The following WDR11 variants were observed in gnomAD, a reference collection of about 807,000 sequenced individuals.
The protein encoded by WDR11 is WD repeat-containing protein 11.
In WDR11, 83 loss-of-function variants were observed where a neutral mutation model predicts 151.2. The ratio of observed to expected loss-of-function variants is 0.55; its 90% CI spans 0.46 to 0.66. The LOEUF (loss-of-function observed/expected upper bound fraction) is 0.66, where lower values mean the gene tolerates loss of function less well. WDR11 is among the 30% of genes least tolerant of loss of function. The probability of loss-of-function intolerance (pLI) is 0.00; values close to 1 mark genes in which losing one functional copy is unlikely to be tolerated. For synonymous variants in WDR11, 484 were observed against 533.1 expected (o/e 0.91, Z 1.27); for missense variants, 1,301 against 1,480.9 (o/e 0.88, Z 1.99).
chr10:120,851,697 A>G, intron 1 of WDR11, 191 bp downstream of exon 1: 1 of 657,164 alleles, frequency 1.5e-6, no homozygotes, highest in Non-Finnish European at 2.6e-6. Context: ...CGTGTGGGAA[A>G]TTCCCCCATG....
At chr10:120,857,925 G>C (rs1412371674) in intron 2 of WDR11, among the ~76,000 whole-genome samples, 1 of 152,182 alleles carries the variant, frequency 6.6e-6, no homozygotes, top group African/African-American at 2.4e-5. Context: ...TTGTGTAGTA[G>C]TAAATGCTTT....
At chr10:120,897,308 C>T (rs1847648910) in intron 19 of WDR11, among the ~76,000 whole-genome samples, 1 of 152,142 alleles carries the variant, frequency 6.6e-6, no homozygotes, top group African/African-American at 2.4e-5. Context: ...AGCCCCGATA[C>T]AATAATTAAT....
chr10:120,856,534 C>T lies in WDR11; in HGVS notation c.199-2109C>T, dbSNP rs892285507. On this transcript the variant is annotated intron_variant, in intron 2 of 28. Coordinates refer to ENST00000263461, the MANE Select transcript of WDR11 (RefSeq NM_018117.12). ...AGGTTGCAGTGAGCTGAGATAGTGC[C>T]ACTGCACTCCAGCCTCGGCAACAGA... Among the ~76,000 whole-genome samples, 3 of 145,986 alleles carry T rather than the reference C, an allele frequency of 2.1e-5. No individual in the cohort carries two copies. In the East Asian group the frequency reaches 6.1e-4, roughly 29 times the overall value.
intron 19 of WDR11, among the ~76,000 whole-genome samples, chr10:120,898,319 T>C (rs1339906011): frequency 2.6e-5 from 4 of 152,218 alleles, no homozygotes; most frequent in African/African-American, 7.2e-5. Context: ...TTAGATTTTA[T>C]AAAATTTTCA....
intron 27 of WDR11, 178 bp downstream of exon 27, chr10:120,906,199 T>G: frequency 6.7e-7 from 1 of 1,499,228 alleles, no homozygotes; most frequent in African/African-American, 1.4e-5. Context: ...TACATCTTCA[T>G]TCGGTCTAGG....
chr10:120,858,573 G>A, intron 2 of WDR11, 70 bp from the exon 3 acceptor site: 2 of 1,581,236 alleles, frequency 1.3e-6, no homozygotes, highest in Non-Finnish European at 1.7e-6. Flanking sequence ...TCTGGTTGAT[G>A]TTTTGTGAAA....
intron 11 of WDR11, among the ~76,000 whole-genome samples, chr10:120,874,176 G>GTTTTTTTTTTTTTTTTTTTTTTTTTTTT (rs66873217): frequency 9.6e-5 from 8 of 83,490 alleles, no homozygotes; most frequent in African/African-American, 2.0e-4. Context: ...GGTTTTTGCA[G>GTTTTTTTTTTTTTTTTTTTTTTTTTTTT]TTTTTTTTTT....
chr10:120,882,544 G>GTTTTGT (rs59740058), intron 13 of WDR11, among the ~76,000 whole-genome samples: 43,221 of 142,302 alleles, frequency 0.3, 6,574 homozygotes, highest in Admixed American at 0.41. Context: ...ATTCAGTTTT[G>GTTTTGT]TTTTTTTTTT....
At chr10:120,905,295 A>G (rs1180191531) in intron 25 of WDR11, 24 bp from the exon 26 acceptor site, 2 of 1,612,108 alleles carry the variant, frequency 1.2e-6, no homozygotes, top group African/African-American at 1.3e-5. Context: ...GTGTCACTTA[A>G]GGGGATGCGC....
intron 2 of WDR11, among the ~76,000 whole-genome samples, chr10:120,857,860 T>C (rs1487645626): frequency 1.3e-5 from 2 of 152,164 alleles, no homozygotes; most frequent in Non-Finnish European, 2.9e-5. Context: ...CTATGGAACT[T>C]ACAGTTGATG....
chr10:120,852,421 T>C (rs1401250772), intron 1 of WDR11, 103 bp from the exon 2 acceptor site: 7 of 903,432 alleles, frequency 7.7e-6, no homozygotes, highest in South Asian at 2.8e-5. Flanking sequence ...ATTTTATTAA[T>C]GGTGGTACAT....
Position 120,885,962 on chromosome 10 carries a change from CTG to C in WDR11, c.1973+26_1973+27del, listed in dbSNP as rs780249613. On this transcript the variant is annotated intron_variant, in intron 15 of 28. Coordinates refer to ENST00000263461, the MANE Select transcript of WDR11 (RefSeq NM_018117.12). ...AGGTACAGTACAGTGTTTCTTGACA[CTG>C]TCATTTGTGCCATTAGCATCATGTC... The C allele has an allele frequency of 5.0e-6, 8 of 1,612,292 alleles. No individual in the cohort carries two copies. In the African/African-American group the frequency reaches 9.3e-5, roughly 19 times the overall value.
At chr10:120,862,991 C>T in intron 5 of WDR11, 70 bp downstream of exon 5, 1 of 1,015,498 alleles carries the variant, frequency 9.8e-7, no homozygotes. Context: ...TGGAGATGTA[C>T]AAAGACTGAT....
rs760483058 is a variant in WDR11, at chr10:120,858,835, C to G, written c.352+39C>G. 5.6e-6 allele frequency: 9 copies of G among 1,613,244 alleles called. No individual in the cohort carries two copies. The African/African-American group carries it at 1.1e-4, about 19-fold the overall frequency. On this transcript the variant is annotated intron_variant, in intron 3 of 28. Transcript: ENST00000263461. ...GCTCAGCTAAGTGTGTATATTGATA[C>G]ACTTACTCTTGGAGTGGTTTTTTGG...
At chr10:120,870,180 T>G (rs559915767) in intron 9 of WDR11, among the ~76,000 whole-genome samples, 70 of 152,316 alleles carry the variant, frequency 4.6e-4, no homozygotes, top group South Asian at 1.9e-3. Flanking sequence ...AAAATGCTAT[T>G]TTTTCTATAT....
chr10:120,860,001 A>T, intron 3 of WDR11, 108 bp from the exon 4 acceptor site: 2 of 1,293,684 alleles, frequency 1.5e-6, no homozygotes, highest in Non-Finnish European at 2.2e-6. Context: ...GCTGGTGGTT[A>T]AGTTTTTAAA....
intron 11 of WDR11, among the ~76,000 whole-genome samples, chr10:120,877,694 A>C (rs1846845045): frequency 6.6e-6 from 1 of 152,236 alleles, no homozygotes; most frequent in African/African-American, 2.4e-5. Flanking sequence ...AGTAAACTCA[A>C]AACATTTTAG....
chr10:120,872,590 C>T (rs1846586853), intron 10 of WDR11, among the ~76,000 whole-genome samples: 1 of 151,844 alleles, frequency 6.6e-6, no homozygotes, highest in South Asian at 2.1e-4. Flanking sequence ...AAAAGTTTGT[C>T]TAGAGGTGTC....
chr10:120,851,559 G>C, intron 1 of WDR11, 53 bp downstream of exon 1: 1 of 1,574,750 alleles, frequency 6.4e-7, no homozygotes, highest in African/African-American at 1.3e-5. Context: ...TGTGTGAGGG[G>C]GAAGGGGGAA....
Sources: gnomAD v4.1 joint callset for allele counts (sites outside exome capture counted in the v4.1 genomes callset) on GRCh38, gnomAD v4.1.1 for gene constraint, MANE v1.5 for transcripts, NCBI Gene and HGNC (gene_info 2026-07-23, HGNC 2026-07-21) for gene names.